PCP4L1: variants seen among roughly 807,000 people sequenced by gnomAD.
The protein encoded by PCP4L1 is Purkinje cell protein 4-like protein 1.
In PCP4L1, 9 loss-of-function variants were observed where a neutral mutation model predicts 9.6. The ratio of observed to expected loss-of-function variants is 0.94; its 90% CI spans 0.57 to 1.64. The LOEUF is 1.64. Ranked by LOEUF, PCP4L1 falls within the 40% of genes most tolerant of loss-of-function variation. The pLI is 0.00. For synonymous variants in PCP4L1, 31 were observed against 28.2 expected (o/e 1.10, Z -0.31); for missense variants, 81 against 80.8 (o/e 1.00, Z -0.01).
chr1:161,283,445 TTGTC>T (rs1376056280), intron 1 of PCP4L1, among the ~76,000 whole-genome samples: 2 of 152,208 alleles, frequency 1.3e-5, no homozygotes, highest in African/African-American at 4.8e-5. Context: ...CAGAATTTCT[TTGTC>T]TGTTTTGTCC....
At position 161,258,807 on chromosome 1, in the gene PCP4L1, C is replaced by T. The variant is rs1669364425; in HGVS notation, c.-168C>T. 2 of 1,086,026 alleles carry T rather than the reference C, an allele frequency of 1.8e-6. No homozygotes were observed. The highest frequency in any genetic ancestry group is 3.2e-5 in the African/African-American group (2 of 62,798). The allele number at this position is 1,086,026 out of a possible 1,614,324, so 67.3% of individuals were successfully genotyped here. ...GGCCGGAGCTGGGCTCCGAGAATCC[C>T]GGGTGCCAGCACCAGAGCAGCGGCT... is the stretch of plus-strand genomic sequence containing the variant. On this transcript the variant is annotated 5_prime_UTR_variant, in exon 1 of 3. Coordinates refer to ENST00000504449, the MANE Select transcript of PCP4L1 (RefSeq NM_001102566.2).
chr1:161,273,285 G>A (rs1298685833), intron 1 of PCP4L1, among the ~76,000 whole-genome samples: 1 of 152,216 alleles, frequency 6.6e-6, no homozygotes, highest in East Asian at 1.9e-4. Context: ...GGGCCTCACA[G>A]TTGCTAATTA....
intron 1 of PCP4L1, among the ~76,000 whole-genome samples, chr1:161,261,727 A>G (rs1207689515): frequency 6.6e-6 from 1 of 152,218 alleles, no homozygotes; most frequent in Non-Finnish European, 1.5e-5. Context: ...GTTCTGCTGA[A>G]ATGGGAGTCA....
chr1:161,265,512 G>A (rs911078673), intron 1 of PCP4L1, among the ~76,000 whole-genome samples: 1 of 151,956 alleles, frequency 6.6e-6, no homozygotes, highest in East Asian at 1.9e-4. Context: ...AACAGAGCAC[G>A]ACCCTGTCTC....
chr1:161,265,937 A>G (rs2102232522), intron 1 of PCP4L1, among the ~76,000 whole-genome samples: 2 of 151,888 alleles, frequency 1.3e-5, no homozygotes. Flanking sequence ...ACTGGGTTTC[A>G]TCATGTTGGC....
intron 1 of PCP4L1, among the ~76,000 whole-genome samples, chr1:161,269,126 A>G (rs148469911): frequency 2.0e-5 from 3 of 152,308 alleles, no homozygotes; most frequent in Non-Finnish European, 4.4e-5. Flanking sequence ...ATTTTAATTC[A>G]CATAAATATC....
chr1:161,273,893 C>T (rs1209639640), intron 1 of PCP4L1, among the ~76,000 whole-genome samples: 1 of 152,178 alleles, frequency 6.6e-6, no homozygotes, highest in Non-Finnish European at 1.5e-5. Context: ...CACATACATA[C>T]TCATACATCC....
chr1:161,276,351 G>A (rs1669697663), intron 1 of PCP4L1, among the ~76,000 whole-genome samples: 1 of 152,082 alleles, frequency 6.6e-6, no homozygotes, highest in South Asian at 2.1e-4. Context: ...TAGGGTTTCA[G>A]GAACACCTTT....
chr1:161,274,250 A>C (rs1457516162), intron 1 of PCP4L1, among the ~76,000 whole-genome samples: 1 of 151,584 alleles, frequency 6.6e-6, no homozygotes, highest in Non-Finnish European at 1.5e-5. Flanking sequence ...TATAAGGAGA[A>C]GGAAGGATTT....
intron 1 of PCP4L1, among the ~76,000 whole-genome samples, chr1:161,260,994 T>A (rs1669407446): frequency 6.6e-6 from 1 of 152,124 alleles, no homozygotes. Context: ...GGGGCCGAGA[T>A]CCAGCCTGTT....
At chr1:161,272,133 A>G (rs1363673948) in intron 1 of PCP4L1, among the ~76,000 whole-genome samples, 1 of 150,946 alleles carries the variant, frequency 6.6e-6, no homozygotes, top group African/African-American at 2.4e-5. Flanking sequence ...GGGGGTACAT[A>G]GTGAGTGATA....
At chr1:161,278,986 T>C (rs1669749727) in intron 1 of PCP4L1, among the ~76,000 whole-genome samples, 1 of 152,200 alleles carries the variant, frequency 6.6e-6, no homozygotes, top group South Asian at 2.1e-4. Flanking sequence ...TTTCACCATG[T>C]TGCCCAGGCT....
intron 1 of PCP4L1, among the ~76,000 whole-genome samples, chr1:161,269,353 A>G (rs2502812): frequency 0.48 from 72,340 of 151,846 alleles, 17,746 homozygotes; most frequent in African/African-American, 0.6. Flanking sequence ...TTTTTCAGGC[A>G]CATATGTTAA....
At chr1:161,274,291 T>C (rs1331384464) in intron 1 of PCP4L1, among the ~76,000 whole-genome samples, 1 of 151,918 alleles carries the variant, frequency 6.6e-6, no homozygotes, top group Non-Finnish European at 1.5e-5. Context: ...TTATTTCTGG[T>C]CAGAAAAGCT....
At chr1:161,276,514 C>A (rs116549279) in intron 1 of PCP4L1, among the ~76,000 whole-genome samples, 2,360 of 152,052 alleles carry the variant, frequency 0.016, 42 homozygotes, top group Middle Eastern at 0.054. Context: ...AAGACCCAGT[C>A]TCTACAAAAA....
At chr1:161,281,408 C>G (rs370939678) in intron 1 of PCP4L1, among the ~76,000 whole-genome samples, 1 of 149,856 alleles carries the variant, frequency 6.7e-6, no homozygotes, top group Admixed American at 6.6e-5. Context: ...TCACTTCCCA[C>G]AAGGGGCGGC....
rs532306212 is a variant in PCP4L1, at chr1:161,279,965, C to T, written c.10-3703C>T. 3.3e-5 allele frequency among the ~76,000 whole-genome samples: 5 copies of T among 152,280 alleles called. No homozygotes were observed. The South Asian group carries it at 6.2e-4, about 19-fold the overall frequency. ...GCCACTGTACCTGGCCTTACTATTA[C>T]GTTTAACTCTCCATCTGAGCAGGGA... On this transcript the variant is annotated intron_variant, in intron 1 of 2. Coordinates refer to ENST00000504449, the MANE Select transcript of PCP4L1 (RefSeq NM_001102566.2).
chr1:161,270,166 G>A (rs372852944), intron 1 of PCP4L1, among the ~76,000 whole-genome samples: 1 of 151,832 alleles, frequency 6.6e-6, no homozygotes, highest in Admixed American at 6.6e-5. Context: ...GCATGGTGGT[G>A]CATGCCTGTA....
At chr1:161,270,219 C>A (rs1434080519) in intron 1 of PCP4L1, among the ~76,000 whole-genome samples, 3 of 152,022 alleles carry the variant, frequency 2.0e-5, no homozygotes, top group Admixed American at 1.3e-4. Flanking sequence ...ATTGCTTGAA[C>A]TCAGGAGTCA....
Sources: gnomAD v4.1 joint callset for allele counts (sites outside exome capture counted in the v4.1 genomes callset) on GRCh38, gnomAD v4.1.1 for gene constraint, MANE v1.5 for transcripts, NCBI Gene and HGNC (gene_info 2026-07-23, HGNC 2026-07-21) for gene names.